Variants in ZNF865 observed in about 807,000 individuals in gnomAD.
ZNF865 encodes zinc finger protein 865.
For missense variants in ZNF865, 1,311 were observed against 1,593.4 expected, an observed-to-expected ratio of 0.82 and a Z score of 3.02; for synonymous variants, 763 against 750.8, an observed-to-expected ratio of 1.02 and a Z score of -0.27.
Position 55,615,104 on chromosome 19 carries a change from C to G in ZNF865, c.1486C>G (p.Pro496Ala). 8.3e-7 allele frequency: 1 copy of G among 1,204,222 alleles called. No individual in the cohort carries two copies. The allele number at this position is 1,204,222 out of a possible 1,614,324, so 74.6% of individuals were successfully genotyped here. The part of the protein sequence containing the change: ...TFPPGPYLLP[P>A]DPPTTDSEKA... Reference sequence around the variant, plus strand: ...CCCCCCGGGCCCGTACCTCCTGCCCCCCGACCCTCCCACCACAGACAGCGA... The same window carrying G: ...CCCCCCGGGCCCGTACCTCCTGCCCGCCGACCCTCCCACCACAGACAGCGA... Residue 496 changes from proline to alanine, a missense_variant, in exon 2 of 2, where the codon CCC becomes GCC. By Grantham distance (27) the Pro-to-Ala change is conservative. Transcript: ENST00000568956.
chr19:55,614,763 T>G lies in ZNF865; in HGVS notation c.1145T>G (p.Val382Gly). ...GGCGAGAAGCCCTTCTCCTGCTCCG[T>G]GTGCAGCAAAAGCTTCAACCGCAGG... ...HTGEKPFSCS[V>G]CSKSFNRRES... Residue 382 changes from valine (V) to glycine (G), a missense_variant, in exon 2 of 2, where the codon GTG (valine) becomes GGG (glycine). Coordinates refer to ENST00000568956, the MANE Select transcript of ZNF865 (RefSeq NM_001195605.2). This position sits in a 1 kb window ranked among gnomAD's most constrained non-coding sequence, Gnocchi z 8.0. 1 of 1,578,612 alleles carries G rather than the reference T, an allele frequency of 6.3e-7. No homozygotes were observed. The highest frequency in any genetic ancestry group is 8.5e-7 in the Non-Finnish European group (1 of 1,170,710).
At position 55,614,706 on chromosome 19, in the gene ZNF865, G is replaced by C. The variant is rs1422987306; in HGVS notation, c.1088G>C (p.Ser363Thr). 1 of 1,582,870 alleles carries C rather than the reference G, an allele frequency of 6.3e-7. No homozygotes were observed. Among genetic ancestry groups the C allele is most frequent in the Non-Finnish European group, 8.5e-7 (1 of 1,172,466 alleles). ...TGCTGGAAGGTTTTCAAGAAGCCCA[G>C]TCACCTCCACCAGCACCAGATCATC... ...PLCWKVFKKPSHLHQHQIIHT... is the reference protein window; with the variant it reads ...PLCWKVFKKPTHLHQHQIIHT... Residue 363 changes from serine to threonine, a missense_variant, in exon 2 of 2, where the codon AGT (serine) becomes ACT (threonine). Transcript: ENST00000568956. The surrounding 1 kb of genome is among the most constrained non-coding windows in gnomAD (Gnocchi z 8.0).
At chr19:55,607,642 A>G (rs918993989) in intron 1 of ZNF865, among the ~76,000 whole-genome samples, 2 of 152,214 alleles carry the variant, frequency 1.3e-5, no homozygotes, top group Non-Finnish European at 2.9e-5. Context: ...GCTGTGGTTC[A>G]GGATGGCCTC....
chr19:55,610,080 C>T (rs777560866), intron 1 of ZNF865, among the ~76,000 whole-genome samples: 5 of 152,190 alleles, frequency 3.3e-5, no homozygotes, highest in Admixed American at 1.3e-4. Flanking sequence ...TGCTACATGT[C>T]CCCCTCCGTT....
chr19:55,606,208 C>T (rs1469075262), intron 1 of ZNF865, among the ~76,000 whole-genome samples: 1 of 152,132 alleles, frequency 6.6e-6, no homozygotes, highest in Non-Finnish European at 1.5e-5. Context: ...ACAGCAACAG[C>T]CCCCAATGGC....
At chr19:55,609,351 C>T (rs1981052797) in intron 1 of ZNF865, among the ~76,000 whole-genome samples, 1 of 152,142 alleles carries the variant, frequency 6.6e-6, no homozygotes, top group African/African-American at 2.4e-5. Context: ...ATCTCTCTGG[C>T]CCTCAGTCTC....
rs1251759146 is a variant in ZNF865 at position 55,614,761 on chromosome 19, C to T, written c.1143C>T (p.Ser381=). The change falls in exon 2 of 2, where the codon TCC becomes TCT. Residue 381 remains serine, a synonymous_variant. Transcript: ENST00000568956. The surrounding 1 kb of genome is among the most constrained non-coding windows in gnomAD (Gnocchi z 8.0). ...CGGGCGAGAAGCCCTTCTCCTGCTC[C>T]GTGTGCAGCAAAAGCTTCAACCGCA... The part of the protein sequence containing the change: ...IHTGEKPFSC[S]VCSKSFNRRE... 3.8e-6 allele frequency: 6 copies of T among 1,579,942 alleles called. No homozygotes were observed. The highest frequency in any genetic ancestry group is 4.6e-5 in the East Asian group (2 of 43,468).
Position 55,615,249 on chromosome 19 carries a change from G to A in ZNF865, c.1631G>A (p.Ser544Asn). The A allele has an allele frequency of 6.6e-7, 1 of 1,515,820 alleles. No individual in the cohort carries two copies. Among genetic ancestry groups the A allele is most frequent in the Non-Finnish European group, 8.8e-7 (1 of 1,139,410 alleles). The allele number at this position is 1,515,820 out of a possible 1,614,324, so 93.9% of individuals were successfully genotyped here. A position where few individuals can be genotyped will look rare whatever the true frequency, so the allele number is the denominator to read the frequency against. The change falls in exon 2 of 2, where the codon AGC becomes AAC. Residue 544 changes from serine to asparagine, a missense_variant. Ser to Asn is a conservative substitution (Grantham distance 46). Coordinates refer to ENST00000568956, the MANE Select transcript of ZNF865 (RefSeq NM_001195605.2). ...GTSGAGGSGA[S>N]VPGKTFCCGI... The stretch of plus-strand genomic sequence containing the variant: ...AGCGGGGCGGGAGGCTCGGGCGCCA[G>A]CGTCCCAGGAAAGACGTTCTGCTGC...
Position 55,616,407 on chromosome 19 carries a change from G to A in ZNF865, c.2789G>A (p.Arg930Gln). Residue 930 changes from arginine (R) to glutamine (Q), a missense_variant, in exon 2 of 2, where the codon CGG (arginine) becomes CAG (glutamine). Arg to Gln is a conservative substitution (Grantham distance 43). Coordinates refer to ENST00000568956, the MANE Select transcript of ZNF865 (RefSeq NM_001195605.2). ...CACCGGCGGCTGCACGCTGTGGCCC[G>A]GCCCCAGCGCTGCAGCGCCTGTGGC... ...AEHRRLHAVA[R>Q]PQRCSACGKT... 6.6e-7 allele frequency: 1 copy of A among 1,503,808 alleles called. No individual in the cohort carries two copies. The highest frequency in any genetic ancestry group is 8.8e-7 in the Non-Finnish European group (1 of 1,132,160). 93.2% of individuals were successfully genotyped at this position (1,503,808 alleles called of 1,614,324 possible).
At chr19:55,607,961 T>C (rs558299768) in intron 1 of ZNF865, among the ~76,000 whole-genome samples, 2 of 152,254 alleles carry the variant, frequency 1.3e-5, no homozygotes, top group African/African-American at 4.8e-5. Context: ...GAGATAAAAA[T>C]CCTTGCCTTC....
At position 55,615,095 on chromosome 19, in the gene ZNF865, C is replaced by A; in HGVS notation, c.1477C>A (p.Leu493Ile). ...PPPTFPPGPY[L>I]LPPDPPTTDS... is the part of the protein sequence containing the mutation. ...GCCCACCTTCCCCCCGGGCCCGTAC[C>A]TCCTGCCCCCCGACCCTCCCACCAC... The change falls in exon 2 of 2, where the codon CTC becomes ATC. Residue 493 changes from leucine to isoleucine, a missense_variant. By Grantham distance (5) the Leu-to-Ile change is conservative (BLOSUM62 2). Transcript: ENST00000568956. 8.3e-7 allele frequency: 1 copy of A among 1,202,788 alleles called. No individual in the cohort carries two copies. The highest frequency in any genetic ancestry group is 1.0e-6 in the Non-Finnish European group (1 of 967,540). The allele number at this position is 1,202,788 out of a possible 1,614,324, so 74.5% of individuals were successfully genotyped here.
intron 1 of ZNF865, chr19:55,612,460 A>G (rs2123588337): frequency 6.6e-6 from 1 of 152,210 alleles, no homozygotes; most frequent in African/African-American, 2.4e-5. Context: ...CCCCATTTCT[A>G]CTACTAGTAG....
chr19:55,605,671 C>G lies in ZNF865; in HGVS notation c.-88C>G, dbSNP rs370152203. 1 of 152,080 alleles carries G rather than the reference C, an allele frequency of 6.6e-6. No homozygotes were observed. The highest frequency in any genetic ancestry group is 1.5e-5 in the Non-Finnish European group (1 of 67,972). 9.4% of individuals were successfully genotyped at this position (152,080 alleles called of 1,614,324 possible). A position where few individuals can be genotyped will look rare whatever the true frequency, so the allele number is the denominator to read the frequency against. ...CACTTCCGGTCGGGCCCTCGGGTCT[C>G]CCCGGAGCGGCGGCGCCTCCTCCGC... On this transcript the variant is annotated 5_prime_UTR_variant, in exon 1 of 2. Transcript: ENST00000568956.
chr19:55,610,576 A>G (rs1220218064), intron 1 of ZNF865, among the ~76,000 whole-genome samples: 2 of 152,184 alleles, frequency 1.3e-5, no homozygotes, highest in African/African-American at 4.8e-5. Flanking sequence ...TTTCTAATGT[A>G]TGATTTCTTT....
intron 1 of ZNF865, among the ~76,000 whole-genome samples, chr19:55,609,444 T>C (rs1402069519): frequency 6.6e-6 from 1 of 152,206 alleles, no homozygotes; most frequent in Non-Finnish European, 1.5e-5. Context: ...ACATCAGAGT[T>C]ACAAGAGTGC....
At chr19:55,610,830 T>C (rs1282183060) in intron 1 of ZNF865, among the ~76,000 whole-genome samples, 1 of 152,112 alleles carries the variant, frequency 6.6e-6, no homozygotes, top group African/African-American at 2.4e-5. Flanking sequence ...TGGAGAGTGA[T>C]GGGGTGGGGA....
Position 55,615,492 on chromosome 19 carries a change from G to A in ZNF865, c.1874G>A (p.Arg625His). The A allele has an allele frequency of 6.6e-7, 1 of 1,509,182 alleles. No individual in the cohort carries two copies. Among genetic ancestry groups the A allele is most frequent in the South Asian group, 1.2e-5 (1 of 80,640 alleles). The allele number at this position is 1,509,182 out of a possible 1,614,324, so 93.5% of individuals were successfully genotyped here. A position where few individuals can be genotyped will look rare whatever the true frequency, so the allele number is the denominator to read the frequency against. Residue 625 changes from arginine to histidine, a missense_variant, in exon 2 of 2, where the codon CGC (arginine) becomes CAC (histidine). Arg to His is a conservative substitution (Grantham distance 29). Transcript: ENST00000568956. ...FGYPQSLTRH[R>H]QVHRLQLPCA... ...TACCCGCAGAGCCTCACCCGCCACC[G>A]CCAGGTGCACCGGCTCCAGCTGCCC...
chr19:55,614,832 T>C lies in ZNF865; in HGVS notation c.1214T>C (p.Leu405Pro). The C allele has an allele frequency of 1.3e-6, 2 of 1,535,240 alleles. No homozygotes were observed. Among genetic ancestry groups the C allele is most frequent in the Non-Finnish European group, 8.7e-7 (1 of 1,147,218 alleles). Residue 405 changes from leucine (L) to proline (P), a missense_variant, in exon 2 of 2, where the codon CTG becomes CCG. Physicochemically the swap from Leu to Pro is moderately conservative, Grantham distance 98 (BLOSUM62 -3). Coordinates refer to ENST00000568956, the MANE Select transcript of ZNF865 (RefSeq NM_001195605.2). This position sits in a 1 kb window ranked among gnomAD's most constrained non-coding sequence, Gnocchi z 8.0. ...GTGAAGACGCACTCGGCCGACCTCCTGCGCCTGCCCTGCGGCATCTGCGGG... is the reference window on the plus strand; with the variant it reads ...GTGAAGACGCACTCGGCCGACCTCCCGCGCCTGCCCTGCGGCATCTGCGGG... ...RHVKTHSADL[L>P]RLPCGICGKA... is the part of the protein sequence containing the mutation.
At chr19:55,607,137 A>G (rs1284133720) in intron 1 of ZNF865, among the ~76,000 whole-genome samples, 1 of 152,158 alleles carries the variant, frequency 6.6e-6, no homozygotes, top group African/African-American at 2.4e-5. Context: ...TGTCAGCTCT[A>G]CCGAGCCCAG....
Sources: allele counts gnomAD v4.1 joint callset (sites outside exome capture counted in the v4.1 genomes callset), GRCh38; gene constraint gnomAD v4.1.1; non-coding constraint Gnocchi (gnomAD v3.1); transcripts MANE v1.5; gene names NCBI Gene and HGNC (gene_info 2026-07-23, HGNC 2026-07-21).